The following SEC14L5 variants were observed in gnomAD, a reference collection of about 807,000 sequenced individuals.
SEC14L5 encodes the protein SEC14 like lipid binding 5.
Under a neutral mutation model 84.6 loss-of-function variants are expected in SEC14L5, and 96 were observed. That is an observed-to-expected ratio of 1.13 (90% CI 0.96 to 1.34). SEC14L5 has a LOEUF of 1.34. SEC14L5 is among the 40% of genes most tolerant of loss of function. The pLI, the probability that SEC14L5 is intolerant of heterozygous loss-of-function variation, is 0.00. For missense variants in SEC14L5, 1,224 were observed against 942.5 expected, an observed-to-expected ratio of 1.30 and a Z score of -3.91; for synonymous variants, 546 against 383.4, an observed-to-expected ratio of 1.42 and a Z score of -4.95.
intron 3 of SEC14L5, 85 bp from the exon 4 acceptor site, chr16:4,988,048 AGGGCAGGGGGTGACTG>A: frequency 7.7e-7 from 1 of 1,305,438 alleles, no homozygotes; most frequent in Non-Finnish European, 1.1e-6. Context: ...CCTGGGACTC[AGGGCAGGGGGTGACTG>A]GGGCAGGCCC....
chr16:5,011,178 C>T lies in SEC14L5; in HGVS notation c.1884C>T (p.Leu628=), dbSNP rs1302785770. Reference sequence around the variant, plus strand: ...CCCCCAGCAGCGTGGCCTGCAGCCTCCCGGGTGTGGACGATGTCCTGACGG... The same window carrying T: ...CCCCCAGCAGCGTGGCCTGCAGCCTTCCGGGTGTGGACGATGTCCTGACGG... ...HSPPSSVACS[L]PGVDDVLTAL... is the part of the protein sequence containing the mutation. The change falls in exon 15 of 16, where the codon CTC becomes CTT. Residue 628 remains leucine, a synonymous_variant. Transcript: ENST00000251170. The T allele has an allele frequency of 6.8e-6, 11 of 1,613,552 alleles. No homozygotes were observed. Among genetic ancestry groups the T allele is most frequent in the Non-Finnish European group, 9.3e-6 (11 of 1,179,826 alleles).
chr16:4,996,209 G>T, intron 6 of SEC14L5, 139 bp from the exon 7 acceptor site: 1 of 592,546 alleles, frequency 1.7e-6, no homozygotes, highest in Non-Finnish European at 3.1e-6. Context: ...GGTGGCTGCT[G>T]TCTGGGGCGG....
Position 4,987,501 on chromosome 16 carries a change from G to GGGA in SEC14L5, c.64-54_64-53insAGG, listed in dbSNP as rs1555529525. The GGGA allele has an allele frequency of 4.2e-6, 6 of 1,423,742 alleles. No individual in the cohort carries two copies. The African/African-American group carries it at 7.7e-5, about 18-fold the overall frequency. 88.2% of individuals were successfully genotyped at this position (1,423,742 alleles called of 1,614,324 possible). A position where few individuals can be genotyped will look rare whatever the true frequency, so the allele number is the denominator to read the frequency against. On this transcript the variant is annotated intron_variant, in intron 2 of 15. Transcript: ENST00000251170. ...CAGCAGATAAGGAGGTCGCGCTGGG[G>GGGA]GGGGGGGTCCCTCTGCCCCCCCCAC... is the stretch of plus-strand genomic sequence containing the variant.
At chr16:5,009,688 T>A (rs955381010) in intron 14 of SEC14L5, among the ~76,000 whole-genome samples, 1 of 152,112 alleles carries the variant, frequency 6.6e-6, no homozygotes, top group Non-Finnish European at 1.5e-5. Flanking sequence ...AGGTTCTGGC[T>A]GGACATGAAT....
At chr16:5,013,233 C>T (rs1228545629) in intron 15 of SEC14L5, among the ~76,000 whole-genome samples, 2 of 152,284 alleles carry the variant, frequency 1.3e-5, no homozygotes, top group East Asian at 1.9e-4. Context: ...GCCACCCAGC[C>T]AGGAGGTGCT....
At chr16:4,985,491 G>A (rs866811690) in intron 2 of SEC14L5, among the ~76,000 whole-genome samples, 1 of 152,152 alleles carries the variant, frequency 6.6e-6, no homozygotes, top group Non-Finnish European at 1.5e-5. Flanking sequence ...GCCCCCCAAG[G>A]TTCTGGGATT....
At chr16:4,964,748 T>C (rs563573326) in intron 2 of SEC14L5, among the ~76,000 whole-genome samples, 3 of 151,500 alleles carry the variant, frequency 2.0e-5, no homozygotes, top group African/African-American at 4.8e-5. Context: ...TTCTTCTTTT[T>C]TCGATACGGG....
In SEC14L5 at chr16:5,011,257, G is replaced by A. The variant is rs756391069; in HGVS notation, c.1963G>A (p.Ala655Thr). ...ACTTCTCTACTACTGTGAGGTGCTC[G>A]CCTCTGAGGACTTCAGGTAGGAGGG... ...CKLLYYCEVLASEDFRGSMSS... is the reference protein window; with the variant it reads ...CKLLYYCEVLTSEDFRGSMSS... Residue 655 changes from alanine to threonine, a missense_variant, in exon 15 of 16, where the codon GCC (alanine) becomes ACC (threonine). Ala to Thr is a moderately conservative substitution (Grantham distance 58, BLOSUM62 0). Transcript: ENST00000251170. The A allele has an allele frequency of 1.5e-5, 25 of 1,613,318 alleles. No individual in the cohort carries two copies. In the Admixed American group the frequency reaches 3.3e-4, roughly 22 times the overall value.
In SEC14L5 at chr16:4,988,170, G is replaced by C; in HGVS notation, c.235G>C (p.Val79Leu). 6.2e-7 allele frequency: 1 copy of C among 1,613,882 alleles called. No individual in the cohort carries two copies. Among genetic ancestry groups the C allele is most frequent in the Non-Finnish European group, 8.5e-7 (1 of 1,179,794 alleles). ...LRKIAGVEHV[V>L]FVQTNILNWK... ...GCAGATCGCAGGTGTTGAGCACGTG[G>C]TCTTCGTGCAGACAAACATCTTGAA... Residue 79 changes from valine to leucine, a missense_variant, in exon 4 of 16, where the codon GTC (valine) becomes CTC (leucine). Transcript: ENST00000251170.
chr16:4,983,728 T>C (rs1955454231), intron 2 of SEC14L5, among the ~76,000 whole-genome samples: 1 of 151,670 alleles, frequency 6.6e-6, no homozygotes, highest in Non-Finnish European at 1.5e-5. Flanking sequence ...AATACAAAAA[T>C]TAGCAGGGTG....
chr16:4,985,785 A>G (rs1206026662), intron 2 of SEC14L5, among the ~76,000 whole-genome samples: 2 of 150,276 alleles, frequency 1.3e-5, no homozygotes, highest in African/African-American at 2.4e-5. Flanking sequence ...TATACATACT[A>G]TCTATATTTA....
At chr16:4,998,420 A>G (rs1955636967) in intron 8 of SEC14L5, among the ~76,000 whole-genome samples, 1 of 151,842 alleles carries the variant, frequency 6.6e-6, no homozygotes, top group Non-Finnish European at 1.5e-5. Context: ...TGTGCCTACG[A>G]CACTTTCCAA....
At position 5,006,001 on chromosome 16, in the gene SEC14L5, T is replaced by TATC. The variant is rs1351475282; in HGVS notation, c.1391_1393dup (p.Tyr464_Leu465insHis). On this transcript the variant is annotated inframe_insertion, in exon 12 of 16. Transcript: ENST00000251170. Reference sequence around the variant, plus strand: ...CCAGGGACCCGGAGGCCTTGTGGACTATCTGGATAGAGAAGTGATCCCTGA... The same window carrying TATC: ...CCAGGGACCCGGAGGCCTTGTGGACTATCATCTGGATAGAGAAGTGATCCCTGA... 1 of 1,613,636 alleles carries TATC rather than the reference T, an allele frequency of 6.2e-7. No individual in the cohort carries two copies. Among genetic ancestry groups the TATC allele is most frequent in the Non-Finnish European group, 8.5e-7 (1 of 1,179,756 alleles).
chr16:4,990,718 G>C, intron 4 of SEC14L5, 49 bp from the exon 5 acceptor site: 4 of 1,556,000 alleles, frequency 2.6e-6, no homozygotes, highest in Non-Finnish European at 3.5e-6. Flanking sequence ...GGGGAGGGCA[G>C]GGTGCCCCCG....
At chr16:4,981,511 T>C (rs7189753) in intron 2 of SEC14L5, among the ~76,000 whole-genome samples, 5,807 of 151,118 alleles carry the variant, frequency 0.038, 344 homozygotes, top group African/African-American at 0.12. Context: ...AGGTCAGGGG[T>C]GGTGTGGCCG....
chr16:4,991,573 AT>A (rs979340717), intron 5 of SEC14L5, among the ~76,000 whole-genome samples: 2 of 152,074 alleles, frequency 1.3e-5, no homozygotes, highest in Admixed American at 6.6e-5. Context: ...CTCAAAAAAA[AT>A]AAACAAAAAC....
chr16:4,996,795 A>G (rs960314897), intron 7 of SEC14L5, 60 bp from the exon 8 acceptor site: 1 of 1,383,678 alleles, frequency 7.2e-7, no homozygotes, highest in Non-Finnish European at 9.9e-7. Context: ...TGGTTCTGTA[A>G]TTTTATCTGC....
chr16:5,013,284 C>A (rs1955829558), intron 15 of SEC14L5, among the ~76,000 whole-genome samples: 1 of 152,156 alleles, frequency 6.6e-6, no homozygotes, highest in Non-Finnish European at 1.5e-5. Context: ...ACAGGACGGG[C>A]CTGGCCTAGG....
chr16:4,960,316 G>T (rs1055666588), intron 2 of SEC14L5, among the ~76,000 whole-genome samples: 1 of 152,194 alleles, frequency 6.6e-6, no homozygotes, highest in Non-Finnish European at 1.5e-5. Context: ...AAAATATGCT[G>T]TCGCTGTTAT....
Sources: allele counts gnomAD v4.1 joint callset (sites outside exome capture counted in the v4.1 genomes callset), GRCh38; gene constraint gnomAD v4.1.1; transcripts MANE v1.5; gene names NCBI Gene and HGNC (gene_info 2026-07-23, HGNC 2026-07-21).